Variants in SLC35F5 observed in about 807,000 individuals in gnomAD.
SLC35F5 encodes the protein solute carrier family 35 member F5.
In SLC35F5, 54 loss-of-function variants were observed where a neutral mutation model predicts 68.6. That is an observed-to-expected ratio of 0.79 (90% CI 0.63 to 0.99). The LOEUF is 0.99. Ranked by LOEUF, SLC35F5 falls within the 50% of genes least tolerant of loss-of-function variation. SLC35F5 has a pLI of 0.00. For missense variants in SLC35F5, 567 were observed against 626.9 expected (o/e 0.90, Z 1.02); for synonymous variants, 211 against 205.2 (o/e 1.03, Z -0.24).
At chr2:113,750,321 C>A in intron 4 of SLC35F5, 104 bp downstream of exon 4, 1 of 1,141,602 alleles carries the variant, frequency 8.8e-7, no homozygotes. Flanking sequence ...CTTAACTGAA[C>A]AACTTAAAAT....
rs1182098254 is a variant in SLC35F5, at chr2:113,718,927, A to AAGAAAGAG, written c.1496+226_1496+227insCTCTTTCT. 5.8e-3 allele frequency among the ~76,000 whole-genome samples: 258 copies of AAGAAAGAG among 44,510 alleles called. 7 individuals carry two copies. Among genetic ancestry groups the AAGAAAGAG allele is most frequent in the African/African-American group, 0.015 (235 of 15,524 alleles). The allele number at this position is 44,510 out of a possible 152,430, so 29.2% of individuals were successfully genotyped here. On this transcript the variant is annotated intron_variant, in intron 14 of 15. Coordinates refer to ENST00000245680, the MANE Select transcript of SLC35F5 (RefSeq NM_025181.5). ...AAAGAAAGAAAGAAAGAAAGAAAGA[A>AAGAAAGAG]AAAGAAAGGAAGAAAGGAAGGAAGG...
At chr2:113,739,793 C>A (rs1453194224) in intron 7 of SLC35F5, among the ~76,000 whole-genome samples, 2 of 152,080 alleles carry the variant, frequency 1.3e-5, no homozygotes, top group Admixed American at 1.3e-4. Context: ...ACTCTTGACT[C>A]CCCCAAAACG....
intron 11 of SLC35F5, among the ~76,000 whole-genome samples, chr2:113,727,804 A>G (rs1687722545): frequency 1.3e-5 from 2 of 152,142 alleles, no homozygotes; most frequent in Non-Finnish European, 2.9e-5. Flanking sequence ...GACCAACACA[A>G]GCCACATGTC....
At chr2:113,755,658 A>T in intron 1 of SLC35F5, 114 bp from the exon 2 acceptor site, 1 of 1,125,550 alleles carries the variant, frequency 8.9e-7, no homozygotes, top group Non-Finnish European at 1.3e-6. Context: ...GAAAAGGACC[A>T]AAATGTGTTA....
chr2:113,756,481 C>A lies in SLC35F5; in HGVS notation c.-72G>T. ...CCTCGGACTCACAGAGCTGTCACCG[C>A]GCCTGACATCGCGCCGCACTGGAGG... On this transcript the variant is annotated 5_prime_UTR_variant, in exon 1 of 16. Coordinates refer to ENST00000245680, the MANE Select transcript of SLC35F5 (RefSeq NM_025181.5). 1 of 1,526,334 alleles carries A rather than the reference C, an allele frequency of 6.6e-7. No homozygotes were observed. The highest frequency in any genetic ancestry group is 1.2e-5 in the South Asian group (1 of 82,848). 94.5% of individuals were successfully genotyped at this position (1,526,334 alleles called of 1,614,324 possible).
At chr2:113,719,475 C>A in intron 13 of SLC35F5, 167 bp from the exon 14 acceptor site, 2 of 534,212 alleles carry the variant, frequency 3.7e-6, no homozygotes, top group South Asian at 3.6e-5. Flanking sequence ...AATAAGAATT[C>A]AAGACTTCAA....
chr2:113,743,238 A>G (rs1053095805), intron 6 of SLC35F5, among the ~76,000 whole-genome samples: 2 of 152,112 alleles, frequency 1.3e-5, no homozygotes, highest in African/African-American at 4.8e-5. Flanking sequence ...CGCATACCCA[A>G]TTTACGAGAA....
chr2:113,742,657 A>C, intron 7 of SLC35F5, 35 bp downstream of exon 7: 1 of 1,604,908 alleles, frequency 6.2e-7, no homozygotes, highest in Non-Finnish European at 8.5e-7. Context: ...TTCAAGTTTC[A>C]AACATCATAT....
intron 12 of SLC35F5, 146 bp downstream of exon 12, chr2:113,725,232 G>T: frequency 1.5e-6 from 1 of 665,840 alleles, no homozygotes; most frequent in South Asian, 2.0e-5. Flanking sequence ...CAAAGTCCCT[G>T]CTCTAGTGGA....
At chr2:113,743,870 C>T (rs180905213) in intron 5 of SLC35F5, 76 bp from the exon 6 acceptor site, 161 of 1,184,018 alleles carry the variant, frequency 1.4e-4, no homozygotes, top group East Asian at 3.6e-4. Context: ...ATGGATAGTA[C>T]GTAGACACAA....
chr2:113,705,793 T>C (rs1345431046), downstream of SLC35F5, among the ~76,000 whole-genome samples: 11 of 152,252 alleles, frequency 7.2e-5, no homozygotes, highest in Admixed American at 3.3e-4. Flanking sequence ...ATGAATACAC[T>C]ATCCTGAATG....
intron 3 of SLC35F5, 105 bp from the exon 4 acceptor site, chr2:113,750,673 C>T: frequency 9.6e-7 from 1 of 1,037,426 alleles, no homozygotes; most frequent in East Asian, 2.8e-5. Context: ...CAGAAGTTCA[C>T]TTGGAAAGAA....
At chr2:113,738,869 T>C (rs865838083) in intron 7 of SLC35F5, among the ~76,000 whole-genome samples, 6 of 152,298 alleles carry the variant, frequency 3.9e-5, no homozygotes, top group Middle Eastern at 3.4e-3. Flanking sequence ...CAAAAAAGAA[T>C]GTAAACTATC....
intron 6 of SLC35F5, 119 bp downstream of exon 6, chr2:113,743,594 C>G: frequency 1.5e-6 from 1 of 649,222 alleles, no homozygotes. Context: ...AGACTATAGG[C>G]TGAGTCAAGA....
At chr2:113,715,899 G>T (rs1687158210) in intron 15 of SLC35F5, among the ~76,000 whole-genome samples, 1 of 152,016 alleles carries the variant, frequency 6.6e-6, no homozygotes, top group African/African-American at 2.4e-5. Flanking sequence ...CATATATTTA[G>T]TTCCACTTGT....
chr2:113,726,163 C>T (rs1687655145), intron 11 of SLC35F5, among the ~76,000 whole-genome samples: 1 of 152,156 alleles, frequency 6.6e-6, no homozygotes, highest in African/African-American at 2.4e-5. Context: ...CTCTATATAT[C>T]ACTCAATAGT....
chr2:113,755,363 A>G, intron 2 of SLC35F5, 57 bp from the exon 3 acceptor site: 2 of 1,607,134 alleles, frequency 1.2e-6, no homozygotes, highest in Non-Finnish European at 1.7e-6. Context: ...ACAACCATTA[A>G]AAATGAGAAC....
At chr2:113,751,553 T>C (rs1676739452) in intron 3 of SLC35F5, among the ~76,000 whole-genome samples, 1 of 152,102 alleles carries the variant, frequency 6.6e-6, no homozygotes, top group Non-Finnish European at 1.5e-5. Context: ...CTCACACCTA[T>C]AATCCCAGCA....
At chr2:113,731,734 G>T (rs767128709) in intron 9 of SLC35F5, 86 bp from the exon 10 acceptor site, 6 of 1,041,384 alleles carry the variant, frequency 5.8e-6, no homozygotes, top group Non-Finnish European at 5.9e-6. Flanking sequence ...AAGTGATCAA[G>T]ACTAATCTCA....
Sources: gnomAD v4.1 joint callset for allele counts (sites outside exome capture counted in the v4.1 genomes callset) on GRCh38, gnomAD v4.1.1 for gene constraint, MANE v1.5 for transcripts, NCBI Gene and HGNC (gene_info 2026-07-23, HGNC 2026-07-21) for gene names.